LRRC66: variants seen among roughly 807,000 people sequenced by gnomAD.
The protein encoded by LRRC66 is leucine-rich repeat-containing protein 66.
LRRC66 carries 29 observed loss-of-function variants against 24.6 expected under a neutral mutation model. The ratio of observed to expected loss-of-function variants is 1.18; its 90% CI spans 0.88 to 1.61. The LOEUF (loss-of-function observed/expected upper bound fraction) is 1.61. Ranked by LOEUF, LRRC66 falls within the 40% of genes most tolerant of loss-of-function variation. LRRC66 has a pLI of 0.00. For synonymous variants in LRRC66, 411 were observed against 397.6 expected, an observed-to-expected ratio of 1.03 and a Z score of -0.40; for missense variants, 1,124 against 1,058.0, an observed-to-expected ratio of 1.06 and a Z score of -0.87.
rs1018220125 is a variant in LRRC66 at position 51,997,654 on chromosome 4, T to C, written c.856+94A>G. ...ATGCCAAGGATCAGCACTTTTGCTT[T>C]CATGGGGACTGTCATTATTTCAAAA... On this transcript the variant is annotated intron_variant, in intron 4 of 4. Coordinates refer to ENST00000682860, the MANE Select transcript of LRRC66 (RefSeq NM_001024611.3). 14 of 1,175,112 alleles carry C rather than the reference T, an allele frequency of 1.2e-5. No homozygotes were observed. The South Asian group carries it at 1.7e-4, about 14-fold the overall frequency. The allele number at this position is 1,175,112 out of a possible 1,614,324, so 72.8% of individuals were successfully genotyped here. A position where few individuals can be genotyped will look rare whatever the true frequency, so the allele number is the denominator to read the frequency against.
At position 51,995,343 on chromosome 4, in the gene LRRC66, C is replaced by G; in HGVS notation, c.1679G>C (p.Gly560Ala). Residue 560 changes from glycine (G) to alanine (A), a missense_variant, in exon 5 of 5, where the codon GGC becomes GCC. By Grantham distance (60) the Gly-to-Ala change is moderately conservative. Coordinates refer to ENST00000682860, the MANE Select transcript of LRRC66 (RefSeq NM_001024611.3). Reference sequence around the variant, plus strand: ...TGAGCCAGAGACAGCGTGAGACGTGCCAGCTACAGAAGAGACGCCCACTGA... The same window carrying G: ...TGAGCCAGAGACAGCGTGAGACGTGGCAGCTACAGAAGAGACGCCCACTGA... ...AHSVGVSSVAGTSHAVSGSSR... is the reference protein window; with the variant it reads ...AHSVGVSSVAATSHAVSGSSR... 2 of 1,614,160 alleles carry G rather than the reference C, an allele frequency of 1.2e-6. No individual in the cohort carries two copies. Among genetic ancestry groups the G allele is most frequent in the Non-Finnish European group, 1.7e-6 (2 of 1,180,026 alleles).
At position 51,995,531 on chromosome 4, in the gene LRRC66, T is replaced by C. The variant is rs1193266089; in HGVS notation, c.1491A>G (p.Ala497=). The C allele has an allele frequency of 6.2e-7, 1 of 1,614,196 alleles. No homozygotes were observed. The highest frequency in any genetic ancestry group is 1.1e-5 in the South Asian group (1 of 91,076). The part of the protein sequence containing the change: ...SPGQCGDNTG[A]GSGNDGAVYS... ...AGACTGCACCATCATTTCCACTTCC[T>C]GCCCCGGTGTTGTCCCCGCACTGTC... The change falls in exon 5 of 5, where the codon GCA becomes GCG. Residue 497 remains alanine (A), a synonymous_variant. Coordinates refer to ENST00000682860, the MANE Select transcript of LRRC66 (RefSeq NM_001024611.3).
chr4:52,015,891 T>A (rs1356038533), intron 2 of LRRC66, among the ~76,000 whole-genome samples: 1 of 152,144 alleles, frequency 6.6e-6, no homozygotes, highest in Non-Finnish European at 1.5e-5. Flanking sequence ...ATGGACAGTA[T>A]GATCCAATTT....
intron 2 of LRRC66, among the ~76,000 whole-genome samples, chr4:52,010,514 T>C (rs951313989): frequency 1.3e-5 from 2 of 152,182 alleles, no homozygotes; most frequent in East Asian, 1.9e-4. Context: ...CCAGTGTCTA[T>C]TGTTCCCATC....
At chr4:52,017,713 A>G in intron 1 of LRRC66, 95 bp from the exon 2 acceptor site, 2 of 1,392,980 alleles carry the variant, frequency 1.4e-6, no homozygotes, top group Non-Finnish European at 1.9e-6. Context: ...AGATTTCGGA[A>G]AGTTATCTTG....
intron 2 of LRRC66, among the ~76,000 whole-genome samples, chr4:52,016,167 T>G (rs1221083357): frequency 6.6e-6 from 1 of 152,200 alleles, no homozygotes. Context: ...ACATGGTGAC[T>G]GTAATAATTC....
intron 2 of LRRC66, among the ~76,000 whole-genome samples, chr4:52,010,109 A>C (rs888067863): frequency 6.6e-6 from 1 of 152,168 alleles, no homozygotes; most frequent in Non-Finnish European, 1.5e-5. Context: ...GATCCAGAAA[A>C]GGTCTTGGGC....
At chr4:52,018,198 T>C in intron 1 of LRRC66, 1 of 985,304 alleles carries the variant, frequency 1.0e-6, no homozygotes, top group Non-Finnish European at 1.2e-6. Flanking sequence ...TATGAAATCA[T>C]TTAGATACAT....
chr4:52,017,380 A>G lies in LRRC66; in HGVS notation c.234T>C (p.Ser78=), dbSNP rs1262573054. 6 of 1,614,160 alleles carry G rather than the reference A, an allele frequency of 3.7e-6. No individual in the cohort carries two copies. Among genetic ancestry groups the G allele is most frequent in the African/African-American group, 1.3e-5 (1 of 75,048 alleles). Residue 78 remains serine (S), a synonymous_variant, in exon 2 of 5, where the codon TCT becomes TCC. Transcript: ENST00000682860. ...TTTTCCACTCTTCTTTTTTCGTGTG[A>G]GACTGTAAGAGAACTCTAAAGAAAT... ...SFNFFRVLLQ[S]HTKKEEWKIK...
At position 51,994,799 on chromosome 4, in the gene LRRC66, C is replaced by T. The variant is rs919587736; in HGVS notation, c.2223G>A (p.Gly741=). The change falls in exon 5 of 5, where the codon GGG becomes GGA. Residue 741 remains glycine, a synonymous_variant. Transcript: ENST00000682860. ...CAGCCGTCACATTGTCCTTGCTTGC[C>T]CCTGAGCTCTCGTCCTGCAGGGACT... ...DEESLQDESS[G]ASKDNVTAVD... is the part of the protein sequence containing the mutation. 9.9e-6 allele frequency: 16 copies of T among 1,614,070 alleles called. No individual in the cohort carries two copies. The highest frequency in any genetic ancestry group is 1.4e-5 in the Non-Finnish European group (16 of 1,180,026).
rs1237779885 is a variant in LRRC66 at position 51,995,636 on chromosome 4, C to A, written c.1386G>T (p.Gln462His). ...YENQTPFWVTQPHPHATVIPD... is the reference protein window; with the variant it reads ...YENQTPFWVTHPHPHATVIPD... ...GAATTACGGTGGCGTGTGGGTGTGG[C>A]TGTGTCACCCAGAAAGGGGTCTGGT... Residue 462 changes from glutamine (Q) to histidine (H), a missense_variant, in exon 5 of 5, where the codon CAG becomes CAT. Physicochemically the swap from Gln to His is conservative, Grantham distance 24. Transcript: ENST00000682860. The A allele has an allele frequency of 1.2e-6, 2 of 1,614,030 alleles. No homozygotes were observed. The highest frequency in any genetic ancestry group is 2.2e-5 in the South Asian group (2 of 91,056).
chr4:52,019,777 C>T (rs1346641015), intron 1 of LRRC66, among the ~76,000 whole-genome samples: 1 of 152,096 alleles, frequency 6.6e-6, no homozygotes, highest in East Asian at 1.9e-4. Flanking sequence ...TTCACAGGTA[C>T]ATTACTTTGT....
chr4:52,002,477 AG>A (rs1256297917), intron 3 of LRRC66, among the ~76,000 whole-genome samples: 1 of 152,142 alleles, frequency 6.6e-6, no homozygotes, highest in Non-Finnish European at 1.5e-5. Context: ...CCCAAAGGGA[AG>A]GGTGTGGAGA....
rs574263140 is a variant in LRRC66, at chr4:51,995,864, T to C, written c.1158A>G (p.Thr386=). The change falls in exon 5 of 5, where the codon ACA becomes ACG. Residue 386 remains threonine (T), a synonymous_variant. Coordinates refer to ENST00000682860, the MANE Select transcript of LRRC66 (RefSeq NM_001024611.3). ...ALAVCLSVFI[T]FLVAFSLGAF... is the part of the protein sequence containing the mutation. ...CCCCCAGGCTGAAGGCGACAAGGAA[T>C]GTGATGAACACTGACAGGCACACCG... 30 of 1,614,164 alleles carry C rather than the reference T, an allele frequency of 1.9e-5. No individual in the cohort carries two copies. The African/African-American group carries it at 4.0e-4, about 22-fold the overall frequency.
At chr4:52,014,318 CT>C (rs879286350) in intron 2 of LRRC66, among the ~76,000 whole-genome samples, 5 of 152,166 alleles carry the variant, frequency 3.3e-5, no homozygotes, top group Non-Finnish European at 5.9e-5. Context: ...TCTAAATATA[CT>C]GTTATTCTCA....
chr4:52,002,555 C>G (rs1412238823), intron 3 of LRRC66, among the ~76,000 whole-genome samples: 1 of 152,136 alleles, frequency 6.6e-6, no homozygotes. Context: ...GTTCCTTACC[C>G]TTACAGTAGT....
chr4:52,002,475 G>A (rs1736478219), intron 3 of LRRC66, among the ~76,000 whole-genome samples: 1 of 152,132 alleles, frequency 6.6e-6, no homozygotes, highest in Admixed American at 6.5e-5. Context: ...CTCCCAAAGG[G>A]AAGGGTGTGG....
intron 3 of LRRC66, among the ~76,000 whole-genome samples, chr4:51,998,456 C>T (rs1240903092): frequency 6.6e-6 from 1 of 152,144 alleles, no homozygotes; most frequent in Admixed American, 6.5e-5. Flanking sequence ...CACTATGTTG[C>T]TTAATTGGAC....
Position 51,996,148 on chromosome 4 carries a change from C to A in LRRC66, c.874G>T (p.Gly292Trp). 1.2e-6 allele frequency: 2 copies of A among 1,610,646 alleles called. No individual in the cohort carries two copies. Among genetic ancestry groups the A allele is most frequent in the Non-Finnish European group, 8.5e-7 (1 of 1,177,866 alleles). ...NRSIGSEEAN[G>W]GTPQSRISRE... ...GAAATCCTGCTCTGGGGAGTGCCCCCGTTGGCCTCCTCACTCCCTGCAAGT... is the reference window on the plus strand; with the variant it reads ...GAAATCCTGCTCTGGGGAGTGCCCCAGTTGGCCTCCTCACTCCCTGCAAGT... The change falls in exon 5 of 5, where the codon GGG becomes TGG. Residue 292 changes from glycine (G) to tryptophan (W), a missense_variant. Coordinates refer to ENST00000682860, the MANE Select transcript of LRRC66 (RefSeq NM_001024611.3).
Sources: allele counts gnomAD v4.1 joint callset (sites outside exome capture counted in the v4.1 genomes callset), GRCh38; gene constraint gnomAD v4.1.1; transcripts MANE v1.5; gene names NCBI Gene and HGNC (gene_info 2026-07-23, HGNC 2026-07-21).